The following SHROOM3 variants were observed in gnomAD, a reference collection of about 807,000 sequenced individuals.
SHROOM3 encodes protein Shroom3.
In SHROOM3, 47 loss-of-function variants were observed where a neutral mutation model predicts 138.6. The observed-to-expected ratio is 0.34, with a 90% confidence interval of 0.27 to 0.43. SHROOM3 has a LOEUF of 0.43. Among genes scored for constraint, SHROOM3 ranks in the 20% least tolerant of loss-of-function variants. The pLI is 1.00. For missense variants in SHROOM3, 2,491 were observed against 2,596.5 expected (o/e 0.96, Z 0.88); for synonymous variants, 1,062 against 1,063.3 (o/e 1.00, Z 0.02).
chr4:76,606,997 GTGTGTGTGTGTGTGTCATATTTATATGTA>G (rs1428635130), intron 2 of SHROOM3, among the ~76,000 whole-genome samples: 3 of 151,230 alleles, frequency 2.0e-5, no homozygotes. Flanking sequence ...TTCAAAAACT[GTGTGTGTGTGTGTGTCATATTTATATGTA>G]TGTGTGTGTG....
Position 76,727,613 on chromosome 4 carries a change from G to A in SHROOM3, c.456-3191G>A, listed in dbSNP as rs530651833. On this transcript the variant is annotated intron_variant, in intron 3 of 10. Transcript: ENST00000296043. Reference sequence around the variant, plus strand: ...ACTGAGAAAAAGGTTGATTCGGCCGGGCACGGTGGCTCACGCCTGTAATTC... The same window carrying A: ...ACTGAGAAAAAGGTTGATTCGGCCGAGCACGGTGGCTCACGCCTGTAATTC... Among the ~76,000 whole-genome samples the A allele has an allele frequency of 2.3e-3, 347 of 152,306 alleles. 1 individual carries two copies. The highest frequency in any genetic ancestry group is 8.2e-3 in the African/African-American group (340 of 41,562).
At chr4:76,750,182 C>CT (rs1358660563) in intron 6 of SHROOM3, among the ~76,000 whole-genome samples, 1 of 152,180 alleles carries the variant, frequency 6.6e-6, no homozygotes, top group African/African-American at 2.4e-5. Context: ...AGGTTGAGGA[C>CT]TTTGGTGAGT....
In SHROOM3 at chr4:76,740,678, T is replaced by C. The variant is rs779411807; in HGVS notation, c.2505T>C (p.Ser835=). Residue 835 remains serine, a synonymous_variant, in exon 5 of 11, where the codon TCT becomes TCC. Coordinates refer to ENST00000296043, the MANE Select transcript of SHROOM3 (RefSeq NM_020859.4). The surrounding 1 kb of genome is among the most constrained non-coding windows in gnomAD (Gnocchi z 4.0). ...AGACAAAAGCACACATTCGTTTCTC[T>C]GAGTCAGCTGAACCCCTAGGCAACG... ...FEETKAHIRF[S]ESAEPLGNGE... is the part of the protein sequence containing the mutation. The C allele has an allele frequency of 1.9e-6, 3 of 1,614,088 alleles. No individual in the cohort carries two copies. Among genetic ancestry groups the C allele is most frequent in the South Asian group, 2.2e-5 (2 of 91,084 alleles).
intron 7 of SHROOM3, among the ~76,000 whole-genome samples, chr4:76,756,139 C>T (rs1400025940): frequency 6.6e-6 from 1 of 152,158 alleles, no homozygotes; most frequent in African/African-American, 2.4e-5. Context: ...AGGGGTTGAT[C>T]TCAAATGTGA....
At chr4:76,495,379 A>G (rs1032411266) in intron 1 of SHROOM3, among the ~76,000 whole-genome samples, 1 of 152,212 alleles carries the variant, frequency 6.6e-6, no homozygotes, top group Non-Finnish European at 1.5e-5. Context: ...ATGGCCTAGA[A>G]CCAATGACTG....
At position 76,755,031 on chromosome 4, in the gene SHROOM3, G is replaced by A. The variant is rs1721759120; in HGVS notation, c.4548G>A (p.Lys1516=). The change falls in exon 7 of 11, where the codon AAG becomes AAA. Residue 1516 remains lysine, a synonymous_variant. Coordinates refer to ENST00000296043, the MANE Select transcript of SHROOM3 (RefSeq NM_020859.4). ...TGTTTGTGAGGGATCCGCACCCCAA[G>A]GCCACGTCCAGCCCCACATTTGAAC... ...DEVFVRDPHP[K]ATSSPTFEPL... 19 of 1,605,930 alleles carry A rather than the reference G, an allele frequency of 1.2e-5. No individual in the cohort carries two copies. Among genetic ancestry groups the A allele is most frequent in the Non-Finnish European group, 1.6e-5 (19 of 1,174,126 alleles).
At chr4:76,502,768 A>G (rs1186248843) in intron 1 of SHROOM3, among the ~76,000 whole-genome samples, 2 of 152,182 alleles carry the variant, frequency 1.3e-5, no homozygotes, top group African/African-American at 4.8e-5. Flanking sequence ...TTCTGGTTTT[A>G]TCTTTCATAT....
chr4:76,772,103 C>CTTTTTTTTTTTT (rs35590411), intron 10 of SHROOM3, among the ~76,000 whole-genome samples: 2 of 125,140 alleles, frequency 1.6e-5, no homozygotes, highest in Non-Finnish European at 1.7e-5. Context: ...TTTTCTTTTT[C>CTTTTTTTTTTTT]TTTTTTTTTT....
At chr4:76,728,243 C>G (rs1455526921) in intron 3 of SHROOM3, among the ~76,000 whole-genome samples, 3 of 152,140 alleles carry the variant, frequency 2.0e-5, no homozygotes, top group Non-Finnish European at 4.4e-5. Flanking sequence ...GCTGTGTCCC[C>G]AACAAAATCT....
intron 2 of SHROOM3, among the ~76,000 whole-genome samples, chr4:76,657,272 A>C (rs1387161435): frequency 6.6e-6 from 1 of 152,176 alleles, no homozygotes; most frequent in African/African-American, 2.4e-5. Flanking sequence ...TTTCCAAAAC[A>C]TTTATGTAAG....
At chr4:76,489,959 T>C (rs1328231724) in intron 1 of SHROOM3, among the ~76,000 whole-genome samples, 1 of 152,068 alleles carries the variant, frequency 6.6e-6, no homozygotes, top group African/African-American at 2.4e-5. Context: ...CTCCACAGTG[T>C]GGGGGCGGGC....
chr4:76,455,559 A>G (rs896158643), intron 1 of SHROOM3, among the ~76,000 whole-genome samples: 6 of 152,122 alleles, frequency 3.9e-5, no homozygotes, highest in Admixed American at 1.3e-4. Flanking sequence ...AAGAACTCTT[A>G]TATATACATA....
chr4:76,672,465 CT>C (rs1383053650), intron 2 of SHROOM3, among the ~76,000 whole-genome samples: 1 of 150,478 alleles, frequency 6.6e-6, no homozygotes, highest in Non-Finnish European at 1.5e-5. Context: ...TGCTCACCAG[CT>C]TCTTTTGATA....
intron 2 of SHROOM3, among the ~76,000 whole-genome samples, chr4:76,673,107 G>A (rs1189937235): frequency 6.6e-6 from 1 of 152,150 alleles, no homozygotes; most frequent in Non-Finnish European, 1.5e-5. Context: ...AATATAAACA[G>A]CTTAGCCTCC....
At chr4:76,689,822 C>T (rs1719464203) in intron 2 of SHROOM3, 8 of 907,562 alleles carry the variant, frequency 8.8e-6, no homozygotes, top group Non-Finnish European at 9.2e-6. Context: ...AGGATGGCTC[C>T]CAGGGGCTTT....
chr4:76,647,564 A>T (rs1184214913), intron 2 of SHROOM3, among the ~76,000 whole-genome samples: 2 of 152,342 alleles, frequency 1.3e-5, no homozygotes, highest in East Asian at 3.9e-4. Flanking sequence ...AATAAAAATA[A>T]ATAGAAATCA....
chr4:76,443,056 T>G (rs1309718724), intron 1 of SHROOM3, among the ~76,000 whole-genome samples: 2 of 152,216 alleles, frequency 1.3e-5, no homozygotes, highest in Non-Finnish European at 2.9e-5. Context: ...TATGCACATA[T>G]GTAATGTTTG....
chr4:76,720,701 T>C (rs1479596951), intron 3 of SHROOM3, among the ~76,000 whole-genome samples: 1 of 149,074 alleles, frequency 6.7e-6, no homozygotes, highest in Non-Finnish European at 1.5e-5. Context: ...CAACCTCGCC[T>C]CCCGGAGTCA....
intron 1 of SHROOM3, among the ~76,000 whole-genome samples, chr4:76,457,798 C>CTT (rs1186099037): frequency 1.0e-4 from 14 of 138,040 alleles, no homozygotes; most frequent in African/African-American, 1.1e-4. Context: ...CTTTTCTTTT[C>CTT]TTTTTTTTTT....
Sources: allele counts gnomAD v4.1 joint callset (sites outside exome capture counted in the v4.1 genomes callset), GRCh38; gene constraint gnomAD v4.1.1; non-coding constraint Gnocchi (gnomAD v3.1); transcripts MANE v1.5; gene names NCBI Gene and HGNC (gene_info 2026-07-23, HGNC 2026-07-21).